Variants in AGAP1 observed in about 807,000 individuals in gnomAD.
The protein encoded by AGAP1 is ArfGAP with GTPase domain, ankyrin repeat and PH domain 1.
AGAP1 carries 29 observed loss-of-function variants against 105.3 expected under a neutral mutation model. That is an observed-to-expected ratio of 0.28 (90% CI 0.21 to 0.38). The LOEUF is 0.38. Among genes scored for constraint, AGAP1 ranks in the 10% least tolerant of loss-of-function variants. The probability of loss-of-function intolerance (pLI) is 1.00; values close to 1 mark genes in which losing one functional copy is unlikely to be tolerated. For synonymous variants in AGAP1, 509 were observed against 485.9 expected (o/e 1.05, Z -0.63); for missense variants, 998 against 1,165.1 (o/e 0.86, Z 2.09).
intron 9 of AGAP1, among the ~76,000 whole-genome samples, chr2:235,832,325 G>A (rs1056060569): frequency 6.6e-6 from 1 of 152,020 alleles, no homozygotes; most frequent in Non-Finnish European, 1.5e-5. Context: ...AGGTTCTCCA[G>A]CTTATTGATA....
At chr2:235,985,095 C>T (rs759934455) in intron 13 of AGAP1, among the ~76,000 whole-genome samples, 8 of 152,288 alleles carry the variant, frequency 5.3e-5, no homozygotes, top group Admixed American at 1.3e-4. Flanking sequence ...CCTATTTCTC[C>T]GTAGCCTCAC....
intron 3 of AGAP1, among the ~76,000 whole-genome samples, chr2:235,735,331 TTTA>T (rs1273955664): frequency 6.6e-6 from 1 of 152,202 alleles, no homozygotes. Flanking sequence ...CAGTTTTCTC[TTTA>T]TTTTCTTTTT....
chr2:235,544,510 G>A (rs770414165), intron 1 of AGAP1, among the ~76,000 whole-genome samples: 8 of 152,288 alleles, frequency 5.3e-5, no homozygotes, highest in South Asian at 2.1e-4. Context: ...GGCTTCCATC[G>A]CTGGAAATCC....
chr2:235,562,265 A>G (rs1944177843), intron 1 of AGAP1, among the ~76,000 whole-genome samples: 1 of 152,008 alleles, frequency 6.6e-6, no homozygotes, highest in African/African-American at 2.4e-5. Flanking sequence ...ATCATAACAT[A>G]TTATGACTGC....
rs896477100 is a variant in AGAP1, at chr2:235,716,078, A to G, written c.223-1479A>G. On this transcript the variant is annotated intron_variant, in intron 2 of 17. Transcript: ENST00000304032. This position sits in a 1 kb window ranked among gnomAD's most constrained non-coding sequence, Gnocchi z 4.0. ...GAATAGGCAGCTTTTTTTTCCCCCC[A>G]CATCCAACCTTCTATCAATGAGTTA... Among the ~76,000 whole-genome samples the G allele has an allele frequency of 6.6e-6, 1 of 152,174 alleles. No individual in the cohort carries two copies. Among genetic ancestry groups the G allele is most frequent in the Non-Finnish European group, 1.5e-5 (1 of 68,030 alleles).
Position 235,793,577 on chromosome 2 carries a change from G to C in AGAP1, c.674-4182G>C, listed in dbSNP as rs1438230700. ...GCCTGGTTTTTCTCACCTGCAAAAT[G>C]AAAGAGCTGACAGGATGAAATGAGT... On this transcript the variant is annotated intron_variant, in intron 6 of 17. Transcript: ENST00000304032. The surrounding 1 kb of genome is among the most constrained non-coding windows in gnomAD (Gnocchi z 5.3). Among the ~76,000 whole-genome samples the C allele has an allele frequency of 6.6e-6, 1 of 152,144 alleles. No homozygotes were observed. The highest frequency in any genetic ancestry group is 1.5e-5 in the Non-Finnish European group (1 of 68,038).
At chr2:235,831,806 C>T (rs1156862766) in intron 9 of AGAP1, among the ~76,000 whole-genome samples, 2 of 152,210 alleles carry the variant, frequency 1.3e-5, no homozygotes, top group Non-Finnish European at 2.9e-5. Context: ...CCTAAGTTTT[C>T]AGCTCATTTG....
chr2:235,694,596 C>A (rs1001545688), intron 1 of AGAP1, among the ~76,000 whole-genome samples: 4 of 151,700 alleles, frequency 2.6e-5, no homozygotes, highest in Non-Finnish European at 5.9e-5. Context: ...TGCAGTCAGC[C>A]GAGATCGCGC....
At chr2:235,688,784 G>A (rs1345329005) in intron 1 of AGAP1, among the ~76,000 whole-genome samples, 1 of 152,196 alleles carries the variant, frequency 6.6e-6, no homozygotes. Context: ...ACAGCTTGGA[G>A]GAGCAGGGGA....
rs1344051278 is a variant in AGAP1 at position 236,055,075 on chromosome 2, C to T, written c.2114+5794C>T. Among the ~76,000 whole-genome samples, 1 of 152,184 alleles carries T rather than the reference C, an allele frequency of 6.6e-6. No individual in the cohort carries two copies. Among genetic ancestry groups the T allele is most frequent in the Non-Finnish European group, 1.5e-5 (1 of 68,036 alleles). ...TATGTCCGGCAGCAATTACTGTGACCTCCCGCTTGTCAAGGTCCGGGCTGT... is the reference window on the plus strand; with the variant it reads ...TATGTCCGGCAGCAATTACTGTGACTTCCCGCTTGTCAAGGTCCGGGCTGT... On this transcript the variant is annotated intron_variant, in intron 16 of 17. Coordinates refer to ENST00000304032, the MANE Select transcript of AGAP1 (RefSeq NM_001037131.3). This position sits in a 1 kb window ranked among gnomAD's most constrained non-coding sequence, Gnocchi z 6.2.
chr2:235,878,634 C>G (rs1159740049), intron 9 of AGAP1, among the ~76,000 whole-genome samples: 1 of 152,202 alleles, frequency 6.6e-6, no homozygotes, highest in African/African-American at 2.4e-5. Context: ...ACAGAAACCG[C>G]TTCCTCTGGA....
chr2:235,663,755 G>T lies in AGAP1; in HGVS notation c.164-45424G>T, dbSNP rs138211322. Among the ~76,000 whole-genome samples, 35 of 152,242 alleles carry T rather than the reference G, an allele frequency of 2.3e-4. No individual in the cohort carries two copies. The highest frequency in any genetic ancestry group is 7.0e-4 in the African/African-American group (29 of 41,538). ...TTCCTACTCCAGGAAGCTCTTAGGA[G>T]AATCCAAATCCGACTTCCCTGTGCT... On this transcript the variant is annotated intron_variant, in intron 1 of 17. Transcript: ENST00000304032. The surrounding 1 kb of genome is among the most constrained non-coding windows in gnomAD (Gnocchi z 5.4).
chr2:235,496,434 T>C (rs945306530), intron 1 of AGAP1, among the ~76,000 whole-genome samples: 2 of 152,148 alleles, frequency 1.3e-5, no homozygotes, highest in African/African-American at 4.8e-5. Flanking sequence ...TCAGGTGGTG[T>C]TGCAGCAAGG....
chr2:235,802,827 T>TGTG (rs1957578324), intron 8 of AGAP1, among the ~76,000 whole-genome samples: 1 of 105,488 alleles, frequency 9.5e-6, no homozygotes, highest in South Asian at 3.2e-4. Flanking sequence ...ATGTTGTGGT[T>TGTG]GTGATGATGG....
rs1045838801 is a variant in AGAP1 at position 235,845,474 on chromosome 2, G to A, written c.1051-37871G>A. Among the ~76,000 whole-genome samples, 2 of 150,204 alleles carry A rather than the reference G, an allele frequency of 1.3e-5. No individual in the cohort carries two copies. Among genetic ancestry groups the A allele is most frequent in the African/African-American group, 2.4e-5 (1 of 41,268 alleles). On this transcript the variant is annotated intron_variant, in intron 9 of 17. Transcript: ENST00000304032. The surrounding 1 kb of genome is among the most constrained non-coding windows in gnomAD (Gnocchi z 4.8). ...ATGAGCATTGTTCAGCCAGCTGGGC[G>A]AACCCTGGGCTTCCTGAGGACACCC... is the stretch of plus-strand genomic sequence containing the variant.
intron 6 of AGAP1, among the ~76,000 whole-genome samples, chr2:235,758,221 G>T (rs768228540): frequency 6.6e-6 from 1 of 152,186 alleles, no homozygotes; most frequent in Non-Finnish European, 1.5e-5. Context: ...AGCAAGCCAT[G>T]TATATGTGTA....
At chr2:236,028,207 T>C (rs908096375) in intron 13 of AGAP1, among the ~76,000 whole-genome samples, 5 of 152,212 alleles carry the variant, frequency 3.3e-5, no homozygotes, top group Non-Finnish European at 7.3e-5. Context: ...CTTGCATCTG[T>C]TTCCTCTTTA....
At position 236,124,316 on chromosome 2, in the gene AGAP1, C is replaced by A; in HGVS notation, c.*194C>A. 1.5e-6 allele frequency: 1 copy of A among 660,096 alleles called. No individual in the cohort carries two copies. Among genetic ancestry groups the A allele is most frequent in the Non-Finnish European group, 2.6e-6 (1 of 386,560 alleles). The allele number at this position is 660,096 out of a possible 1,614,324, so 40.9% of individuals were successfully genotyped here. A position where few individuals can be genotyped will look rare whatever the true frequency, so the allele number is the denominator to read the frequency against. ...ATCCCTCAAGGGGCGAAGAGGCGGC[C>A]GGGAGACTGCAGAAGTGGCTCCTTT... On this transcript the variant is annotated 3_prime_UTR_variant, in exon 18 of 18. Coordinates refer to ENST00000304032, the MANE Select transcript of AGAP1 (RefSeq NM_001037131.3). The surrounding 1 kb of genome is among the most constrained non-coding windows in gnomAD (Gnocchi z 5.1).
At chr2:235,861,887 C>T (rs1016671804) in intron 9 of AGAP1, among the ~76,000 whole-genome samples, 1 of 152,198 alleles carries the variant, frequency 6.6e-6, no homozygotes, top group Non-Finnish European at 1.5e-5. Context: ...GAAAAGATCT[C>T]TCTGACATGT....
Sources: gnomAD v4.1 joint callset for allele counts (sites outside exome capture counted in the v4.1 genomes callset) on GRCh38, gnomAD v4.1.1 for gene constraint, Gnocchi (gnomAD v3.1) non-coding constraint, MANE v1.5 for transcripts, NCBI Gene and HGNC (gene_info 2026-07-23, HGNC 2026-07-21) for gene names.